HS2ST1: variants seen among roughly 807,000 people sequenced by gnomAD.
HS2ST1 encodes the protein heparan sulfate 2-O-sulfotransferase 1.
In HS2ST1, 18 loss-of-function variants were observed where a neutral mutation model predicts 42.9. The ratio of observed to expected loss-of-function variants is 0.42; its 90% CI spans 0.29 to 0.62. HS2ST1 has a LOEUF of 0.62. HS2ST1 is among the 20% of genes least tolerant of loss of function. HS2ST1 has a pLI of 0.21. For missense variants in HS2ST1, 334 were observed against 433.8 expected (o/e 0.77, Z 2.04); for synonymous variants, 146 against 152.9 (o/e 0.95, Z 0.33).
intron 1 of HS2ST1, among the ~76,000 whole-genome samples, chr1:86,947,654 G>T (rs1414957658): frequency 6.6e-6 from 1 of 150,388 alleles, no homozygotes; most frequent in Admixed American, 6.6e-5. Context: ...TTAACAGTGT[G>T]CCTATCATAG....
intron 1 of HS2ST1, chr1:87,046,219 T>C (rs1200708303): frequency 1.4e-5 from 12 of 878,468 alleles, no homozygotes; most frequent in Non-Finnish European, 1.7e-5. Flanking sequence ...GCTGGGTATC[T>C]TGGACAAGTA....
chr1:86,963,518 T>C (rs1408393790), intron 1 of HS2ST1, among the ~76,000 whole-genome samples: 1 of 152,226 alleles, frequency 6.6e-6, no homozygotes, highest in Admixed American at 6.5e-5. Context: ...GAATTTTTCT[T>C]AGTACAGAAC....
intron 1 of HS2ST1, among the ~76,000 whole-genome samples, chr1:87,001,277 C>T (rs1202419987): frequency 6.6e-6 from 1 of 152,088 alleles, no homozygotes; most frequent in African/African-American, 2.4e-5. Flanking sequence ...TTCCTATCTC[C>T]CCAAAATACC....
At chr1:87,016,042 C>A (rs1227709044) in intron 1 of HS2ST1, among the ~76,000 whole-genome samples, 3 of 151,978 alleles carry the variant, frequency 2.0e-5, no homozygotes, top group Non-Finnish European at 4.4e-5. Context: ...ATCCCGATCT[C>A]CTGACCTCAT....
At chr1:87,026,682 A>T (rs1650094795) in intron 1 of HS2ST1, among the ~76,000 whole-genome samples, 1 of 152,144 alleles carries the variant, frequency 6.6e-6, no homozygotes, top group African/African-American at 2.4e-5. Flanking sequence ...GGCATTTCAC[A>T]GGTAGACTTT....
chr1:86,948,230 T>C (rs1647393975), intron 1 of HS2ST1, among the ~76,000 whole-genome samples: 1 of 152,224 alleles, frequency 6.6e-6, no homozygotes, highest in Admixed American at 6.5e-5. Flanking sequence ...ATAAGAAGTA[T>C]ATTTTTTGAG....
chr1:86,947,209 C>G (rs958580561), intron 1 of HS2ST1, among the ~76,000 whole-genome samples: 2 of 152,194 alleles, frequency 1.3e-5, no homozygotes, highest in Non-Finnish European at 2.9e-5. Context: ...AGTGACCACC[C>G]TTGAAAAGAT....
chr1:86,968,783 TA>T lies in HS2ST1; in HGVS notation c.124+53633del, dbSNP rs1181673835. ...AACGTCTTTACTTTAATCATTTGTT[TA>T]AAAAAAAAAGCTTCATGCTGCTAGA... On this transcript the variant is annotated intron_variant, in intron 1 of 6. Coordinates refer to ENST00000370550, the MANE Select transcript of HS2ST1 (RefSeq NM_012262.4). 1.7e-4 allele frequency among the ~76,000 whole-genome samples: 25 copies of T among 148,080 alleles called. No individual in the cohort carries two copies. The East Asian group carries it at 2.9e-3, about 17-fold the overall frequency.
chr1:87,079,058 A>G (rs1471662097), intron 2 of HS2ST1, among the ~76,000 whole-genome samples: 1 of 152,200 alleles, frequency 6.6e-6, no homozygotes, highest in Admixed American at 6.5e-5. Flanking sequence ...GGAGTTACTC[A>G]TATTATTTCC....
chr1:87,010,854 C>G (rs1376916293), intron 1 of HS2ST1, among the ~76,000 whole-genome samples: 1 of 150,896 alleles, frequency 6.6e-6, no homozygotes, highest in African/African-American at 2.4e-5. Flanking sequence ...GGCATGATCT[C>G]GGCTCACTGC....
rs1553134337 is a variant in HS2ST1, at chr1:86,976,704, G to GTGTATATA, written c.124+61545_124+61546insGTATATAT. ...AAATCCATCTTTTCTTTATAAAATT[G>GTGTATATA]TATATATATATATATATTTTAAATG... On this transcript the variant is annotated intron_variant, in intron 1 of 6. Coordinates refer to ENST00000370550, the MANE Select transcript of HS2ST1 (RefSeq NM_012262.4). 2.5e-3 allele frequency among the ~76,000 whole-genome samples: 198 copies of GTGTATATA among 79,712 alleles called. 12 individuals are homozygous for GTGTATATA. Among genetic ancestry groups the GTGTATATA allele is most frequent in the Admixed American group, 4.6e-3 (26 of 5,704 alleles). The allele number at this position is 79,712 out of a possible 152,430, so 52.3% of individuals were successfully genotyped here. A position where few individuals can be genotyped will look rare whatever the true frequency, so the allele number is the denominator to read the frequency against.
At chr1:86,989,110 G>A (rs1648872982) in intron 1 of HS2ST1, among the ~76,000 whole-genome samples, 1 of 152,188 alleles carries the variant, frequency 6.6e-6, no homozygotes. Context: ...TATAGATGTA[G>A]ATTTCTTTTA....
chr1:87,038,311 A>T (rs1650434241), intron 1 of HS2ST1, among the ~76,000 whole-genome samples: 1 of 152,114 alleles, frequency 6.6e-6, no homozygotes, highest in Admixed American at 6.6e-5. Flanking sequence ...TTTTAAGTAC[A>T]TGCCATATTT....
chr1:87,046,305 A>G, intron 1 of HS2ST1: 1 of 729,210 alleles, frequency 1.4e-6, no homozygotes, highest in East Asian at 2.9e-5. Context: ...TCCTGACTGT[A>G]CAATTTGTAA....
At chr1:87,010,055 C>CAAAAAAAAAAAAAA (rs11345061) in intron 1 of HS2ST1, among the ~76,000 whole-genome samples, 1 of 148,396 alleles carries the variant, frequency 6.7e-6, no homozygotes, top group Non-Finnish European at 1.5e-5. Context: ...CAAAACAAAA[C>CAAAAAAAAAAAAAA]AAAAAAAAAA....
chr1:87,014,679 A>G (rs1048118760), intron 1 of HS2ST1, among the ~76,000 whole-genome samples: 1 of 152,226 alleles, frequency 6.6e-6, no homozygotes, highest in African/African-American at 2.4e-5. Flanking sequence ...AAACTATCAT[A>G]AAAGACTCCA....
intron 1 of HS2ST1, among the ~76,000 whole-genome samples, chr1:87,006,412 T>C (rs1457085976): frequency 1.3e-5 from 2 of 152,134 alleles, no homozygotes; most frequent in Non-Finnish European, 2.9e-5. Flanking sequence ...AGGTAGATAA[T>C]GCACACAGAG....
At chr1:87,083,112 C>T (rs1488732764) in intron 2 of HS2ST1, among the ~76,000 whole-genome samples, 4 of 152,194 alleles carry the variant, frequency 2.6e-5, no homozygotes, top group African/African-American at 4.8e-5. Flanking sequence ...GCTATATCTG[C>T]ACTGTTTCCC....
chr1:87,094,627 C>T (rs1652021353), intron 4 of HS2ST1, among the ~76,000 whole-genome samples: 1 of 152,028 alleles, frequency 6.6e-6, no homozygotes, highest in Non-Finnish European at 1.5e-5. Context: ...AGAAGAAATG[C>T]AACATGTCAC....
Sources: allele counts gnomAD v4.1 joint callset (sites outside exome capture counted in the v4.1 genomes callset), GRCh38; gene constraint gnomAD v4.1.1; transcripts MANE v1.5; gene names NCBI Gene and HGNC (gene_info 2026-07-23, HGNC 2026-07-21).